Variants in FAM20A observed in about 807,000 individuals in gnomAD.
FAM20A encodes the protein pseudokinase FAM20A.
Under a neutral mutation model 52.0 loss-of-function variants are expected in FAM20A, and 42 were observed. The observed-to-expected ratio is 0.81, with a 90% confidence interval of 0.63 to 1.04. The LOEUF is 1.04. FAM20A is among the 50% of genes least tolerant of loss of function. The pLI is 0.00. For missense variants in FAM20A, 742 were observed against 712.7 expected (o/e 1.04, Z -0.47); for synonymous variants, 304 against 298.9 (o/e 1.02, Z -0.18).
chr17:68,542,781 T>C lies in FAM20A; in HGVS notation c.841A>G (p.Thr281Ala). 1 of 1,614,158 alleles carries C rather than the reference T, an allele frequency of 6.2e-7. No individual in the cohort carries two copies. The highest frequency in any genetic ancestry group is 8.5e-7 in the Non-Finnish European group (1 of 1,180,006). Residue 281 changes from threonine (T) to alanine (A), a missense_variant, in exon 6 of 11, where the codon ACA (threonine) becomes GCA (alanine). Physicochemically the swap from Thr to Ala is moderately conservative, Grantham distance 58 (BLOSUM62 0). Coordinates refer to ENST00000592554, the MANE Select transcript of FAM20A (RefSeq NM_017565.4). ...RILDFRRVPP[T>A]VGRIVNVTKE... is the part of the protein sequence containing the mutation. ...GTGACATTTACTATCCTCCCCACTG[T>C]TGGCGGCACCCGTCGGAAGTCCAGA...
intron 1 of FAM20A, among the ~76,000 whole-genome samples, chr17:68,593,426 CTT>C (rs1030191789): frequency 1.3e-5 from 2 of 152,230 alleles, no homozygotes; most frequent in Non-Finnish European, 2.9e-5. Context: ...GAAATTCCCT[CTT>C]TTCTTGGCAA....
At chr17:68,597,357 C>G (rs2088482664) in intron 1 of FAM20A, among the ~76,000 whole-genome samples, 1 of 151,522 alleles carries the variant, frequency 6.6e-6, no homozygotes, top group South Asian at 2.1e-4. Flanking sequence ...TTGGATAGGA[C>G]TTCATGTTAG....
intron 1 of FAM20A, among the ~76,000 whole-genome samples, chr17:68,575,464 A>G (rs2087706390): frequency 8.3e-6 from 1 of 120,692 alleles, no homozygotes; most frequent in Non-Finnish European, 1.6e-5. Flanking sequence ...TATATATTAT[A>G]TATAATATAT....
intron 1 of FAM20A, among the ~76,000 whole-genome samples, chr17:68,574,485 A>G (rs940236856): frequency 3.9e-5 from 6 of 152,308 alleles, no homozygotes; most frequent in Admixed American, 3.3e-4. Flanking sequence ...GAGCCCTCAT[A>G]ACTCAATCAC....
At position 68,564,750 on chromosome 17, in the gene FAM20A, G is replaced by A. The variant is rs114343005; in HGVS notation, c.405-9007C>T. Reference sequence around the variant, plus strand: ...GCAGGAAGCCTGGAAATGGAGCTTCGGTGGCCTAAACGGGAGCCTGGAGTC... The same window carrying A: ...GCAGGAAGCCTGGAAATGGAGCTTCAGTGGCCTAAACGGGAGCCTGGAGTC... On this transcript the variant is annotated intron_variant, in intron 1 of 10. Coordinates refer to ENST00000592554, the MANE Select transcript of FAM20A (RefSeq NM_017565.4). Among the ~76,000 whole-genome samples, 1,270 of 152,238 alleles carry A rather than the reference G, an allele frequency of 8.3e-3. 16 individuals carry two copies. The highest frequency in any genetic ancestry group is 0.029 in the African/African-American group (1,217 of 41,534).
chr17:68,571,026 A>G (rs2087520873), intron 1 of FAM20A, among the ~76,000 whole-genome samples: 1 of 152,194 alleles, frequency 6.6e-6, no homozygotes, highest in Admixed American at 6.5e-5. Flanking sequence ...GCCCAGTCCC[A>G]TCACCTGGGT....
intron 4 of FAM20A, chr17:68,550,951 A>G (rs771508582): frequency 4.2e-5 from 30 of 706,704 alleles, no homozygotes; most frequent in Admixed American, 8.9e-5. Context: ...GGGGCTCTCA[A>G]TGGGCCTCCC....
At chr17:68,575,712 ATATATTT>A (rs1264886218) in intron 1 of FAM20A, among the ~76,000 whole-genome samples, 163 of 117,456 alleles carry the variant, frequency 1.4e-3, no homozygotes, top group African/African-American at 4.8e-3. Context: ...ATTATATATT[ATATATTT>A]TATATTTTAT....
rs1783864416 is a variant in FAM20A at position 68,600,562 on chromosome 17, C to T, written c.105G>A (p.Leu35=). The T allele has an allele frequency of 6.4e-7, 1 of 1,557,308 alleles. No homozygotes were observed. Residue 35 remains leucine (L), a synonymous_variant, in exon 1 of 11, where the codon CTG becomes CTA. Transcript: ENST00000592554. The surrounding 1 kb of genome is among the most constrained non-coding windows in gnomAD (Gnocchi z 6.2). ...FHLWPQVQRQ[L]RPRERPRGCP... ...ACCCCCGCGGGCGCTCCCGAGGCCG[C>T]AGCTGGCGCTGTACTTGGGGCCAGA...
intron 1 of FAM20A, chr17:68,558,435 G>C (rs902787932): frequency 2.7e-6 from 1 of 372,116 alleles, no homozygotes; most frequent in Non-Finnish European, 5.5e-6. Flanking sequence ...CATAGGGGTG[G>C]GTCCCTCATG....
At chr17:68,554,974 T>C in intron 2 of FAM20A, 147 bp from the exon 3 acceptor site, 3 of 802,926 alleles carry the variant, frequency 3.7e-6, no homozygotes, top group Admixed American at 2.0e-5. Flanking sequence ...GGGAGGTCTC[T>C]TGGAGCCCAG....
At chr17:68,543,849 G>T in intron 4 of FAM20A, 128 bp from the exon 5 acceptor site, 1 of 803,776 alleles carries the variant, frequency 1.2e-6, no homozygotes, top group Non-Finnish European at 2.1e-6. Flanking sequence ...CACAGGCGAT[G>T]GCACGGCAAG....
At chr17:68,558,335 G>A (rs927989701) in intron 1 of FAM20A, 1 of 443,754 alleles carries the variant, frequency 2.3e-6, no homozygotes, top group Non-Finnish European at 4.5e-6. Flanking sequence ...CATACCATCA[G>A]ATATGGTTTG....
At chr17:68,553,066 C>T (rs1269399717) in intron 3 of FAM20A, among the ~76,000 whole-genome samples, 2 of 152,178 alleles carry the variant, frequency 1.3e-5, no homozygotes, top group Non-Finnish European at 2.9e-5. Context: ...CCCCTTGTCT[C>T]AAATCTCATC....
intron 1 of FAM20A, among the ~76,000 whole-genome samples, chr17:68,586,351 A>T (rs1484136035): frequency 5.3e-5 from 8 of 152,214 alleles, no homozygotes; most frequent in African/African-American, 1.7e-4. Context: ...TTGTCATGGA[A>T]CATGATTCAA....
chr17:68,563,177 G>C (rs949189484), intron 1 of FAM20A, among the ~76,000 whole-genome samples: 3 of 152,114 alleles, frequency 2.0e-5, no homozygotes, highest in Non-Finnish European at 4.4e-5. Flanking sequence ...CCTGAGATCA[G>C]GAGTTCAAGA....
intron 1 of FAM20A, among the ~76,000 whole-genome samples, chr17:68,562,021 G>C (rs1296067265): frequency 6.6e-6 from 1 of 152,048 alleles, no homozygotes; most frequent in South Asian, 2.1e-4. Context: ...ACGGGGTTTC[G>C]CCATGTTGGC....
chr17:68,577,319 G>A (rs1598061007), intron 1 of FAM20A, among the ~76,000 whole-genome samples: 2 of 152,232 alleles, frequency 1.3e-5, no homozygotes, highest in East Asian at 3.8e-4. Context: ...AAGCTGGACT[G>A]CGGAGCTCCT....
In FAM20A at chr17:68,600,171, C is replaced by T; in HGVS notation, c.404+92G>A. ...AGCCGTGGGTGGAGCCGCTGCAGCC[C>T]TGGGCCGGGGGCGTCAGGAAACTCG... is the stretch of plus-strand genomic sequence containing the variant. On this transcript the variant is annotated intron_variant, in intron 1 of 10. Coordinates refer to ENST00000592554, the MANE Select transcript of FAM20A (RefSeq NM_017565.4). This position sits in a 1 kb window ranked among gnomAD's most constrained non-coding sequence, Gnocchi z 6.2. 1.4e-6 allele frequency: 2 copies of T among 1,447,970 alleles called. No homozygotes were observed. Among genetic ancestry groups the T allele is most frequent in the Non-Finnish European group, 1.9e-6 (2 of 1,081,034 alleles). The allele number at this position is 1,447,970 out of a possible 1,614,324, so 89.7% of individuals were successfully genotyped here. A position where few individuals can be genotyped will look rare whatever the true frequency, so the allele number is the denominator to read the frequency against.
Sources: gnomAD v4.1 joint callset for allele counts (sites outside exome capture counted in the v4.1 genomes callset) on GRCh38, gnomAD v4.1.1 for gene constraint, Gnocchi (gnomAD v3.1) non-coding constraint, MANE v1.5 for transcripts, NCBI Gene and HGNC (gene_info 2026-07-23, HGNC 2026-07-21) for gene names.